Variants in PRKCZ observed in about 807,000 individuals in gnomAD.
The protein encoded by PRKCZ is protein kinase C zeta type.
A neutral mutation model predicts 79.5 loss-of-function variants in PRKCZ; 33 were observed. The observed-to-expected ratio is 0.41, with a 90% CI of 0.31 to 0.55. PRKCZ has a LOEUF of 0.55. Among genes scored for constraint, PRKCZ ranks in the 20% least tolerant of loss-of-function variants. The pLI, the probability that PRKCZ is intolerant of heterozygous loss-of-function variation, is 0.19. For missense variants in PRKCZ, 578 were observed against 813.5 expected (o/e 0.71, Z 3.52); for synonymous variants, 342 against 320.9 (o/e 1.07, Z -0.70).
chr1:2,181,413 G>A (rs1686588273), intron 16 of PRKCZ, among the ~76,000 whole-genome samples: 1 of 152,236 alleles, frequency 6.6e-6, no homozygotes, highest in Admixed American at 6.5e-5. Context: ...AGCCACAGGG[G>A]CAACACCTGT....
chr1:2,129,759 C>T (rs1249225905), intron 4 of PRKCZ, among the ~76,000 whole-genome samples: 1 of 152,150 alleles, frequency 6.6e-6, no homozygotes, highest in Non-Finnish European at 1.5e-5. Flanking sequence ...ACCAGGCTTC[C>T]TCTCAGCCTC....
At position 2,082,261 on chromosome 1, in the gene PRKCZ, G is replaced by T. The variant is rs1663680365; in HGVS notation, c.334+22670G>T. 4 of 408,818 alleles carry T rather than the reference G, an allele frequency of 9.8e-6. No homozygotes were observed. Among genetic ancestry groups the T allele is most frequent in the African/African-American group, 8.2e-5 (4 of 48,626 alleles). 25.3% of individuals were successfully genotyped at this position (408,818 alleles called of 1,614,324 possible). On this transcript the variant is annotated intron_variant, in intron 4 of 17. Transcript: ENST00000378567. This position sits in a 1 kb window ranked among gnomAD's most constrained non-coding sequence, Gnocchi z 4.4. ...CCAGGGCTGTGTATTTGGCAAGAGG[G>T]AGGCTCCGTGGCACGATCACACGTG...
intron 4 of PRKCZ, among the ~76,000 whole-genome samples, chr1:2,066,114 A>T (rs1661103802): frequency 6.6e-6 from 1 of 152,204 alleles, no homozygotes; most frequent in Non-Finnish European, 1.5e-5. Flanking sequence ...ATCTGTGTTA[A>T]TAAAGGATAA....
chr1:2,066,803 C>G (rs1057457582), intron 4 of PRKCZ, among the ~76,000 whole-genome samples: 8 of 152,260 alleles, frequency 5.3e-5, no homozygotes, highest in African/African-American at 1.9e-4. Context: ...TGCTTGTAAT[C>G]TCAGTGTTTT....
intron 5 of PRKCZ, among the ~76,000 whole-genome samples, chr1:2,136,262 T>C (rs1676184619): frequency 6.6e-6 from 1 of 152,216 alleles, no homozygotes; most frequent in East Asian, 1.9e-4. Context: ...TGCCCCTGCG[T>C]GTGCTCGGTC....
chr1:2,083,245 C>T (rs190455340), intron 4 of PRKCZ, among the ~76,000 whole-genome samples: 208 of 152,204 alleles, frequency 1.4e-3, no homozygotes, highest in African/African-American at 4.9e-3. Flanking sequence ...GACGGAATTA[C>T]TCACTGCCTG....
chr1:2,130,417 C>G (rs993901233), intron 4 of PRKCZ, among the ~76,000 whole-genome samples: 3 of 152,120 alleles, frequency 2.0e-5, no homozygotes, highest in African/African-American at 7.2e-5. Context: ...CGTGGGACTC[C>G]GCATGGGGGG....
At chr1:2,181,732 G>A in intron 16 of PRKCZ, 1 of 447,732 alleles carries the variant, frequency 2.2e-6, no homozygotes, top group Non-Finnish European at 4.5e-6. Flanking sequence ...GTCCTGCTCT[G>A]TTCCCACCCC....
At position 2,179,585 on chromosome 1, in the gene PRKCZ, C is replaced by A. The variant is rs1486721737; in HGVS notation, c.1575+4272C>A. On this transcript the variant is annotated intron_variant, in intron 16 of 17. Transcript: ENST00000378567. ...CCACCTGCTGCCCAACCCCACGTGTCCCACATGGCCGGGCGGTGCTGCGCT... is the reference window on the plus strand; with the variant it reads ...CCACCTGCTGCCCAACCCCACGTGTACCACATGGCCGGGCGGTGCTGCGCT... Among the ~76,000 whole-genome samples, 103 of 152,360 alleles carry A rather than the reference C, an allele frequency of 6.8e-4. 2 individuals are homozygous for A. Among genetic ancestry groups the A allele is most frequent in the Admixed American group, 6.7e-3 (102 of 15,302 alleles).
chr1:2,081,291 G>A (rs1421766476), intron 4 of PRKCZ, among the ~76,000 whole-genome samples: 1 of 152,148 alleles, frequency 6.6e-6, no homozygotes, highest in Non-Finnish European at 1.5e-5. Context: ...GATTGTTCCA[G>A]CTTTGGGCAC....
chr1:2,076,164 A>G (rs1315333588), intron 4 of PRKCZ, among the ~76,000 whole-genome samples: 1 of 152,170 alleles, frequency 6.6e-6, no homozygotes, highest in African/African-American at 2.4e-5. Flanking sequence ...CCTGTGGGAA[A>G]GTGTGATGAC....
chr1:2,074,174 T>C (rs1571173165), intron 4 of PRKCZ: 8 of 1,549,416 alleles, frequency 5.2e-6, no homozygotes, highest in Admixed American at 2.0e-5. Context: ...TGAGAGGCTG[T>C]TGTTTTGCGG....
chr1:2,097,108 C>T (rs998645499), intron 4 of PRKCZ, among the ~76,000 whole-genome samples: 2 of 152,236 alleles, frequency 1.3e-5, no homozygotes. Context: ...GGAAGAGAGG[C>T]CTGGAGATAC....
intron 4 of PRKCZ, among the ~76,000 whole-genome samples, chr1:2,080,331 C>T (rs534627583): frequency 1.5e-4 from 23 of 152,208 alleles, no homozygotes; most frequent in Middle Eastern, 3.4e-3. Context: ...GGGCAGTGCG[C>T]GTGGACGTGG....
At chr1:2,171,790 C>T (rs369592250) in intron 11 of PRKCZ, 7 of 465,478 alleles carry the variant, frequency 1.5e-5, no homozygotes, top group East Asian at 3.9e-5. Context: ...GTTATTTGCC[C>T]GCTCCTCCCC....
chr1:2,134,156 C>T (rs572182892), intron 4 of PRKCZ, among the ~76,000 whole-genome samples: 12 of 152,292 alleles, frequency 7.9e-5, no homozygotes, highest in African/African-American at 2.4e-4. Flanking sequence ...CTGAGCCGCC[C>T]GCTGCCGTGA....
rs749785434 is a variant in PRKCZ, at chr1:2,059,587, A to G, written c.330A>G (p.Glu110=). The change falls in exon 4 of 18, where the codon GAA becomes GAG. Residue 110 remains glutamate, a synonymous_variant. Transcript: ENST00000378567. ...AGCCTGGCCTGCCATGTCCGGGAGAAGACAGTGAGTACTGGGGTTTCCTAC... is the reference window on the plus strand; with the variant it reads ...AGCCTGGCCTGCCATGTCCGGGAGAGGACAGTGAGTACTGGGGTTTCCTAC... ...PEQPGLPCPG[E]DKSIYRRGAR... 6.2e-7 allele frequency: 1 copy of G among 1,614,174 alleles called. No homozygotes were observed. Among genetic ancestry groups the G allele is most frequent in the South Asian group, 1.1e-5 (1 of 91,084 alleles).
At chr1:2,175,468 TCACCCCACCACCA>T (rs1685290598) in intron 16 of PRKCZ, among the ~76,000 whole-genome samples, 155 bp downstream of exon 16, 1 of 69,140 alleles carries the variant, frequency 1.4e-5, no homozygotes, top group African/African-American at 5.9e-5. Flanking sequence ...CATCCAACCC[TCACCCCACCACCA>T]ACCCAACCCC....
In PRKCZ at chr1:2,184,642, G is replaced by A. The variant is rs1350192055; in HGVS notation, c.1635G>A (p.Leu545=). ...CACAGATCACAGACGACTACGGTCT[G>A]GACAACTTTGACACACAGTTCACCA... ...FQPQITDDYG[L]DNFDTQFTSE... is the part of the protein sequence containing the mutation. The change falls in exon 17 of 18, where the codon CTG becomes CTA. Residue 545 remains leucine, a synonymous_variant. Transcript: ENST00000378567. 1.2e-6 allele frequency: 2 copies of A among 1,613,970 alleles called. No homozygotes were observed. Among genetic ancestry groups the A allele is most frequent in the South Asian group, 1.1e-5 (1 of 91,076 alleles).
Sources: allele counts gnomAD v4.1 joint callset (sites outside exome capture counted in the v4.1 genomes callset), GRCh38; gene constraint gnomAD v4.1.1; non-coding constraint Gnocchi (gnomAD v3.1); transcripts MANE v1.5; gene names NCBI Gene and HGNC (gene_info 2026-07-23, HGNC 2026-07-21).